Variants in TMEM71 observed in about 807,000 individuals in gnomAD.
The protein encoded by TMEM71 is transmembrane protein 71.
A neutral mutation model predicts 38.0 loss-of-function variants in TMEM71; 44 were observed. The ratio of observed to expected loss-of-function variants is 1.16; its 90% CI spans 0.91 to 1.49. The LOEUF (loss-of-function observed/expected upper bound fraction) is 1.49, where lower values mean the gene tolerates loss of function less well. Ranked by LOEUF, TMEM71 falls within the 40% of genes most tolerant of loss-of-function variation. The probability of loss-of-function intolerance (pLI) is 0.00; values close to 1 mark genes in which losing one functional copy is unlikely to be tolerated. For missense variants in TMEM71, 367 were observed against 348.6 expected (o/e 1.05, Z -0.42); for synonymous variants, 133 against 122.5 (o/e 1.09, Z -0.56).
chr8:132,714,922 C>T (rs1002080711), intron 7 of TMEM71, among the ~76,000 whole-genome samples: 3 of 152,090 alleles, frequency 2.0e-5, no homozygotes, highest in Admixed American at 6.6e-5. Context: ...AGACACTTCA[C>T]CAAAGAATAT....
At chr8:132,734,899 A>G (rs1265246635) in intron 5 of TMEM71, among the ~76,000 whole-genome samples, 1 of 152,230 alleles carries the variant, frequency 6.6e-6, no homozygotes, top group African/African-American at 2.4e-5. Flanking sequence ...TTCTAAGCAC[A>G]TCTTCCATAT....
chr8:132,732,519 C>T (rs576698078), intron 5 of TMEM71, among the ~76,000 whole-genome samples: 1 of 152,124 alleles, frequency 6.6e-6, no homozygotes, highest in South Asian at 2.1e-4. Flanking sequence ...TGTGTGGGGT[C>T]TCATGTCACA....
rs1826370542 is a variant in TMEM71 at position 132,713,983 on chromosome 8, G to A, written c.872+12C>T. The A allele has an allele frequency of 6.2e-7, 1 of 1,612,824 alleles. No homozygotes were observed. The highest frequency in any genetic ancestry group is 1.3e-5 in the African/African-American group (1 of 74,866). On this transcript the variant is annotated intron_variant, in intron 9 of 9. Coordinates refer to ENST00000677595, the MANE Select transcript of TMEM71 (RefSeq NM_001382403.1). ...TGGTCCAGACAATAATGATGACACA[G>A]GCAACACTTACCGAGCACAGGCAGT...
chr8:132,753,060 C>A (rs1419192862), intron 3 of TMEM71, among the ~76,000 whole-genome samples: 1 of 151,702 alleles, frequency 6.6e-6, no homozygotes, highest in Non-Finnish European at 1.5e-5. Context: ...GGTTTTTTTC[C>A]CTCTTTTCTC....
At chr8:132,755,144 T>C (rs1306251537) in intron 3 of TMEM71, among the ~76,000 whole-genome samples, 1 of 152,220 alleles carries the variant, frequency 6.6e-6, no homozygotes, top group East Asian at 1.9e-4. Flanking sequence ...TATTTCTATC[T>C]GCACTCCAAT....
At chr8:132,770,388 T>G in the TMEM71 span, among the ~76,000 whole-genome samples, 15 of 152,324 alleles carry the variant, frequency 9.8e-5, no homozygotes, top group East Asian at 2.3e-3. Flanking sequence ...TTTGGACCAG[T>G]CTTCACGCTT....
intron 5 of TMEM71, 122 bp from the exon 6 acceptor site, chr8:132,728,108 A>G: frequency 4.5e-6 from 3 of 669,834 alleles, no homozygotes; most frequent in South Asian, 4.4e-5. Context: ...TAATATTGAT[A>G]CGGTATTGCA....
At chr8:132,774,350 T>C in the TMEM71 span, among the ~76,000 whole-genome samples, 2 of 152,216 alleles carry the variant, frequency 1.3e-5, no homozygotes, top group Non-Finnish European at 2.9e-5. Context: ...ATAACAAATA[T>C]CCACTAGAGA....
chr8:132,724,252 G>T (rs1022220472), intron 6 of TMEM71, among the ~76,000 whole-genome samples: 7 of 152,130 alleles, frequency 4.6e-5, no homozygotes, highest in Non-Finnish European at 8.8e-5. Flanking sequence ...TACCAGGGCT[G>T]GGGTTTCCCA....
At chr8:132,723,730 C>T (rs1826976606) in intron 6 of TMEM71, among the ~76,000 whole-genome samples, 1 of 152,154 alleles carries the variant, frequency 6.6e-6, no homozygotes, top group Non-Finnish European at 1.5e-5. Flanking sequence ...ATCACCTCTC[C>T]CCCTCTCTTG....
chr8:132,768,628 T>A, the TMEM71 span, among the ~76,000 whole-genome samples: 1 of 152,152 alleles, frequency 6.6e-6, no homozygotes, highest in Non-Finnish European at 1.5e-5. Flanking sequence ...CTCATTCTGG[T>A]GAAACTGGCT....
intron 9 of TMEM71, among the ~76,000 whole-genome samples, chr8:132,713,391 A>T (rs913320360): frequency 4.6e-5 from 7 of 152,276 alleles, no homozygotes; most frequent in South Asian, 4.1e-4. Context: ...TAAGAGTGCC[A>T]TGGTGAATTA....
the TMEM71 span, among the ~76,000 whole-genome samples, chr8:132,772,401 G>A: frequency 1.3e-5 from 2 of 152,290 alleles, no homozygotes; most frequent in South Asian, 2.1e-4. Flanking sequence ...CAACCATCTG[G>A]AACAGGGTGT....
chr8:132,746,366 CAT>C (rs1491421591), intron 5 of TMEM71, among the ~76,000 whole-genome samples: 4 of 20,656 alleles, frequency 1.9e-4, no homozygotes, highest in Non-Finnish European at 3.0e-4. Context: ...TATACACACA[CAT>C]ATATATACAT....
intron 7 of TMEM71, among the ~76,000 whole-genome samples, chr8:132,715,711 A>C (rs1826490813): frequency 6.6e-6 from 1 of 152,212 alleles, no homozygotes; most frequent in Non-Finnish European, 1.5e-5. Flanking sequence ...TGTATAAACA[A>C]ACTGTGGTAC....
upstream of TMEM71, among the ~76,000 whole-genome samples, chr8:132,762,773 A>C (rs1355174886): frequency 6.6e-6 from 1 of 152,194 alleles, no homozygotes; most frequent in Admixed American, 6.5e-5. Flanking sequence ...TGCTTTCTTA[A>C]CCTATAAGTG....
intron 7 of TMEM71, among the ~76,000 whole-genome samples, chr8:132,720,799 A>G (rs1375684627): frequency 6.6e-6 from 1 of 152,226 alleles, no homozygotes; most frequent in Non-Finnish European, 1.5e-5. Flanking sequence ...AGAACCATAA[A>G]GACCCCTGGA....
At chr8:132,737,632 A>C (rs2131108657) in intron 5 of TMEM71, among the ~76,000 whole-genome samples, 1 of 152,318 alleles carries the variant, frequency 6.6e-6, no homozygotes, top group East Asian at 1.9e-4. Flanking sequence ...TTCCCCTGGA[A>C]AATGGGGATA....
chr8:132,747,471 A>G (rs1828455066), intron 4 of TMEM71, among the ~76,000 whole-genome samples: 1 of 152,350 alleles, frequency 6.6e-6, no homozygotes. Flanking sequence ...AATAGATACT[A>G]TTATTATCCC....
Sources: gnomAD v4.1 joint callset for allele counts (sites outside exome capture counted in the v4.1 genomes callset) on GRCh38, gnomAD v4.1.1 for gene constraint, MANE v1.5 for transcripts, NCBI Gene and HGNC (gene_info 2026-07-23, HGNC 2026-07-21) for gene names.